The following SH3PXD2A variants were observed in gnomAD, a reference collection of about 807,000 sequenced individuals.
The protein encoded by SH3PXD2A is SH3 and PX domains 2A, also known as SH3 and PX domain-containing protein 2A.
In SH3PXD2A, 32 loss-of-function variants were observed where a neutral mutation model predicts 115.2. That is an observed-to-expected ratio of 0.28 (90% CI 0.21 to 0.37). SH3PXD2A has a LOEUF of 0.37. Ranked by LOEUF, SH3PXD2A falls within the 10% of genes least tolerant of loss-of-function variation. The probability of loss-of-function intolerance (pLI) is 1.00; values close to 1 mark genes in which losing one functional copy is unlikely to be tolerated. For synonymous variants in SH3PXD2A, 610 were observed against 629.1 expected, an observed-to-expected ratio of 0.97 and a Z score of 0.45; for missense variants, 1,328 against 1,498.7, an observed-to-expected ratio of 0.89 and a Z score of 1.88.
chr10:103,811,763 G>T (rs188694449), intron 1 of SH3PXD2A, among the ~76,000 whole-genome samples: 2 of 152,292 alleles, frequency 1.3e-5, no homozygotes, highest in Admixed American at 6.5e-5. Context: ...TCCTTGCGGG[G>T]ATCAGCACTC....
At chr10:103,853,524 G>A (rs964101659) in intron 1 of SH3PXD2A, among the ~76,000 whole-genome samples, 1 of 152,244 alleles carries the variant, frequency 6.6e-6, no homozygotes, top group African/African-American at 2.4e-5. Flanking sequence ...GTTACTGGCT[G>A]CATGCCAGGC....
intron 1 of SH3PXD2A, among the ~76,000 whole-genome samples, chr10:103,827,606 CCA>C (rs1240988454): frequency 6.6e-5 from 10 of 152,178 alleles, no homozygotes; most frequent in Non-Finnish European, 1.5e-4. Flanking sequence ...GCCTGGCACA[CCA>C]CATTCTCAGT....
chr10:103,781,547 T>C (rs2038931617), intron 2 of SH3PXD2A, among the ~76,000 whole-genome samples: 1 of 152,142 alleles, frequency 6.6e-6, no homozygotes. Context: ...CCCTGACTCA[T>C]ACAGAGGAGC....
In SH3PXD2A at chr10:103,602,079, G is replaced by C; in HGVS notation, c.3139C>G (p.Pro1047Ala). Reference sequence around the variant, plus strand: ...ACGGGTATGCTGTTGCGCTGGGCGGGCAGTAGGGGTGAGTCTGAACCCTGG... The same window carrying C: ...ACGGGTATGCTGTTGCGCTGGGCGGCCAGTAGGGGTGAGTCTGAACCCTGG... ...ASQGSDSPLL[P>A]AQRNSIPVSP... Residue 1047 changes from proline (P) to alanine (A), a missense_variant, in exon 15 of 15, where the codon CCC (proline) becomes GCC (alanine). Transcript: ENST00000369774. 6.2e-7 allele frequency: 1 copy of C among 1,601,270 alleles called. No homozygotes were observed. The highest frequency in any genetic ancestry group is 8.5e-7 in the Non-Finnish European group (1 of 1,172,410).
chr10:103,706,556 C>G (rs2037982815), intron 5 of SH3PXD2A, among the ~76,000 whole-genome samples: 1 of 152,194 alleles, frequency 6.6e-6, no homozygotes, highest in Non-Finnish European at 1.5e-5. Flanking sequence ...ATTTCTTCCC[C>G]TCAACAGTAG....
Position 103,600,115 on chromosome 10 carries a change from A to T in SH3PXD2A, c.*1701T>A, listed in dbSNP as rs2036194025. On this transcript the variant is annotated 3_prime_UTR_variant, in exon 15 of 15. Coordinates refer to ENST00000369774, the MANE Select transcript of SH3PXD2A (RefSeq NM_001394015.1). ...CTTTCCTCCTCTATAGAAAACACCAACCCCCAGTCCAGGGACCCTGGCAGC... is the reference window on the plus strand; with the variant it reads ...CTTTCCTCCTCTATAGAAAACACCATCCCCCAGTCCAGGGACCCTGGCAGC... 6.6e-6 allele frequency: 1 copy of T among 152,372 alleles called. No homozygotes were observed. The allele number at this position is 152,372 out of a possible 1,614,324, so 9.4% of individuals were successfully genotyped here.
intron 5 of SH3PXD2A, among the ~76,000 whole-genome samples, chr10:103,708,200 G>A (rs566783906): frequency 2.0e-5 from 3 of 152,136 alleles, no homozygotes; most frequent in East Asian, 1.9e-4. Flanking sequence ...TGTTGGCGCC[G>A]ACCTCAGGCC....
chr10:103,829,350 T>A (rs1329485740), intron 1 of SH3PXD2A, among the ~76,000 whole-genome samples: 1 of 152,188 alleles, frequency 6.6e-6, no homozygotes, highest in Non-Finnish European at 1.5e-5. Flanking sequence ...TCTTTTAAGT[T>A]AAAGAGGCTC....
intron 10 of SH3PXD2A, among the ~76,000 whole-genome samples, chr10:103,617,916 G>A (rs73331486): frequency 0.022 from 3,289 of 152,250 alleles, 122 homozygotes; most frequent in African/African-American, 0.074. Context: ...TCTCCCAAGA[G>A]GAGTCCATGG....
intron 3 of SH3PXD2A, among the ~76,000 whole-genome samples, chr10:103,742,640 C>T (rs1445400662): frequency 1.3e-5 from 2 of 152,150 alleles, no homozygotes; most frequent in African/African-American, 2.4e-5. Flanking sequence ...TTTCAGTGGC[C>T]CCAAGGACAG....
At chr10:103,767,820 T>TTTG (rs554777860) in intron 2 of SH3PXD2A, among the ~76,000 whole-genome samples, 14,098 of 124,914 alleles carry the variant, frequency 0.11, 852 homozygotes, top group Non-Finnish European at 0.13. Flanking sequence ...GTTTTTTTTT[T>TTTG]TTTTTTTTTT....
chr10:103,732,267 A>G (rs1026137034), intron 4 of SH3PXD2A, among the ~76,000 whole-genome samples: 2 of 152,164 alleles, frequency 1.3e-5, no homozygotes, highest in African/African-American at 4.8e-5. Context: ...CCAAGCCTCT[A>G]TGGTATAGCT....
chr10:103,601,360 A>C lies in SH3PXD2A; in HGVS notation c.*456T>G. 1 of 161,246 alleles carries C rather than the reference A, an allele frequency of 6.2e-6. No individual in the cohort carries two copies. Among genetic ancestry groups the C allele is most frequent in the Non-Finnish European group, 1.4e-5 (1 of 72,900 alleles). The allele number at this position is 161,246 out of a possible 1,614,324, so 10.0% of individuals were successfully genotyped here. ...ACAATTCACAAATACAGCTTAGGACAATACCAGGGATACCTGGGGTGGCAA... is the reference window on the plus strand; with the variant it reads ...ACAATTCACAAATACAGCTTAGGACCATACCAGGGATACCTGGGGTGGCAA... On this transcript the variant is annotated 3_prime_UTR_variant, in exon 15 of 15. Transcript: ENST00000369774.
chr10:103,801,364 TG>T lies in SH3PXD2A; in HGVS notation c.73-3del. 6.3e-7 allele frequency: 1 copy of T among 1,599,078 alleles called. No individual in the cohort carries two copies. Among genetic ancestry groups the T allele is most frequent in the South Asian group, 1.1e-5 (1 of 90,718 alleles). On this transcript the variant is annotated splice_region_variant and splice_polypyrimidine_tract_variant and intron_variant, in intron 1 of 14. Coordinates refer to ENST00000369774, the MANE Select transcript of SH3PXD2A (RefSeq NM_001394015.1). The stretch of plus-strand genomic sequence containing the variant: ...CCAGGTCACATTGATTATGTATACC[TG>T]TGGGAAAAAGGTAAGAGCAGGTGAG...
chr10:103,632,946 C>T (rs2036803577), intron 8 of SH3PXD2A, among the ~76,000 whole-genome samples: 1 of 152,010 alleles, frequency 6.6e-6, no homozygotes, highest in African/African-American at 2.4e-5. Context: ...TGCACTCCAG[C>T]CTGGCGACAG....
chr10:103,619,280 C>T (rs1292619814), intron 10 of SH3PXD2A, among the ~76,000 whole-genome samples: 5 of 152,208 alleles, frequency 3.3e-5, no homozygotes, highest in African/African-American at 4.8e-5. Flanking sequence ...CTCCTGCCTG[C>T]TCCTGGTTCT....
At chr10:103,742,947 CT>C (rs1399160272) in intron 3 of SH3PXD2A, among the ~76,000 whole-genome samples, 3 of 131,986 alleles carry the variant, frequency 2.3e-5, no homozygotes, top group African/African-American at 1.0e-4. Flanking sequence ...GGGAACCTCC[CT>C]CCCCCCCTCA....
In SH3PXD2A at chr10:103,855,177, G is replaced by T; in HGVS notation, c.72+18C>A. The T allele has an allele frequency of 6.6e-7, 1 of 1,519,516 alleles. No individual in the cohort carries two copies. The highest frequency in any genetic ancestry group is 8.9e-7 in the Non-Finnish European group (1 of 1,129,644). 94.1% of individuals were successfully genotyped at this position (1,519,516 alleles called of 1,614,324 possible). On this transcript the variant is annotated intron_variant, in intron 1 of 14. Transcript: ENST00000369774. ...ACCTCGGGCCACCCCCAGCAGGGTC[G>T]GCGGGGGCTGTACTCACGTAGTGCT...
chr10:103,739,219 C>A (rs1170034939), intron 3 of SH3PXD2A, among the ~76,000 whole-genome samples: 1 of 152,212 alleles, frequency 6.6e-6, no homozygotes, highest in Non-Finnish European at 1.5e-5. Flanking sequence ...CCGCCCTGCC[C>A]TCCAGTCTGC....
Sources: gnomAD v4.1 joint callset for allele counts (sites outside exome capture counted in the v4.1 genomes callset) on GRCh38, gnomAD v4.1.1 for gene constraint, MANE v1.5 for transcripts, NCBI Gene and HGNC (gene_info 2026-07-23, HGNC 2026-07-21) for gene names.